DNM3: variants seen among roughly 807,000 people sequenced by gnomAD.
DNM3 encodes dynamin 3.
In DNM3, 47 loss-of-function variants were observed where a neutral mutation model predicts 101.6. The observed-to-expected ratio is 0.46, with a 90% CI of 0.37 to 0.59. DNM3 has a LOEUF of 0.59. Among genes scored for constraint, DNM3 ranks in the 20% least tolerant of loss-of-function variants. The pLI, the probability that DNM3 is intolerant of heterozygous loss-of-function variation, is 0.00. For synonymous variants in DNM3, 385 were observed against 387.9 expected (o/e 0.99, Z 0.09); for missense variants, 849 against 1,085.7 (o/e 0.78, Z 3.06).
At chr1:172,177,326 T>C (rs1177478210) in intron 14 of DNM3, among the ~76,000 whole-genome samples, 1 of 151,798 alleles carries the variant, frequency 6.6e-6, no homozygotes, top group Non-Finnish European at 1.5e-5. Context: ...TATTGTTCTA[T>C]TTTATTATTA....
Position 172,180,479 on chromosome 1 carries a change from G to A in DNM3, c.1659+49191G>A, listed in dbSNP as rs554880686. Among the ~76,000 whole-genome samples, 6 of 152,124 alleles carry A rather than the reference G, an allele frequency of 3.9e-5. No individual in the cohort carries two copies. The South Asian group carries it at 1.2e-3, about 32-fold the overall frequency. ...ATAGATAAATAGTCTAAGGACAAGT[G>A]GATTCATTGTAATATCTGCAATGCA... On this transcript the variant is annotated intron_variant, in intron 14 of 20. Transcript: ENST00000627582.
chr1:172,138,483 T>G (rs1018040988), intron 14 of DNM3: 1 of 152,486 alleles, frequency 6.6e-6, no homozygotes, highest in African/African-American at 2.4e-5. Context: ...ATTGAGTTTT[T>G]ATATCAATAT....
rs150805461 is a variant in DNM3 at position 171,937,272 on chromosome 1, A to G, written c.235+15451A>G. 1.2e-3 allele frequency among the ~76,000 whole-genome samples: 186 copies of G among 152,080 alleles called. 3 individuals are homozygous for G. Among genetic ancestry groups the G allele is most frequent in the Admixed American group, 0.01 (154 of 15,270 alleles). ...ATAAGATAATCTGCTTTTGCAAAGG[A>G]TTTATGTTTTTTTTTTTCCATTGTA... On this transcript the variant is annotated intron_variant, in intron 2 of 20. Transcript: ENST00000627582.
chr1:172,411,612 G>C lies in DNM3; in HGVS notation c.*3771G>C, dbSNP rs1223625344. 2 of 984,590 alleles carry C rather than the reference G, an allele frequency of 2.0e-6. No individual in the cohort carries two copies. Among genetic ancestry groups the C allele is most frequent in the Non-Finnish European group, 2.4e-6 (2 of 829,762 alleles). 61.0% of individuals were successfully genotyped at this position (984,590 alleles called of 1,614,324 possible). A position where few individuals can be genotyped will look rare whatever the true frequency, so the allele number is the denominator to read the frequency against. The stretch of plus-strand genomic sequence containing the variant: ...GAGTAAATTTGCTGAAAATATAAGA[G>C]AGAAGCTATCTAATACCTTGGAGGT... On this transcript the variant is annotated 3_prime_UTR_variant, in exon 21 of 21. Coordinates refer to ENST00000627582, the MANE Select transcript of DNM3 (RefSeq NM_015569.5).
At position 171,841,688 on chromosome 1, in the gene DNM3, C is replaced by T; in HGVS notation, c.32C>T (p.Pro11Leu). MGNREMEELI[P>L]LVNRLQDAFS... Reference sequence around the variant, plus strand: ...AACCGGGAGATGGAGGAGCTGATCCCGCTGGTGAACCGTCTGCAGGACGCG... The same window carrying T: ...AACCGGGAGATGGAGGAGCTGATCCTGCTGGTGAACCGTCTGCAGGACGCG... Residue 11 changes from proline (P) to leucine (L), a missense_variant, in exon 1 of 21, where the codon CCG (proline) becomes CTG (leucine). Coordinates refer to ENST00000627582, the MANE Select transcript of DNM3 (RefSeq NM_015569.5). The T allele has an allele frequency of 6.2e-7, 1 of 1,611,846 alleles. No individual in the cohort carries two copies. The highest frequency in any genetic ancestry group is 8.5e-7 in the Non-Finnish European group (1 of 1,179,312).
chr1:171,882,226 C>G (rs527272951), intron 1 of DNM3, among the ~76,000 whole-genome samples: 1 of 151,696 alleles, frequency 6.6e-6, no homozygotes, highest in East Asian at 1.9e-4. Flanking sequence ...GCCTGTAATC[C>G]CAGCTACTCA....
intron 14 of DNM3, among the ~76,000 whole-genome samples, chr1:172,203,124 C>G (rs2060208579): frequency 6.6e-6 from 1 of 152,108 alleles, no homozygotes; most frequent in South Asian, 2.1e-4. Flanking sequence ...TAGTCTTTGG[C>G]TGTAATTAAA....
chr1:171,992,953 A>G (rs1316624460), intron 4 of DNM3, among the ~76,000 whole-genome samples: 2 of 152,038 alleles, frequency 1.3e-5, no homozygotes, highest in African/African-American at 4.8e-5. Context: ...GATCAATACC[A>G]ACTTAATTTC....
intron 12 of DNM3, among the ~76,000 whole-genome samples, chr1:172,084,328 A>C (rs1035648727): frequency 6.6e-6 from 1 of 152,164 alleles, no homozygotes; most frequent in Non-Finnish European, 1.5e-5. Flanking sequence ...GCACGTGTGC[A>C]CACATACACA....
intron 17 of DNM3, among the ~76,000 whole-genome samples, chr1:172,372,187 T>C (rs2068373550): frequency 6.6e-6 from 1 of 151,078 alleles, no homozygotes; most frequent in South Asian, 2.1e-4. Context: ...GTTCTTGCGA[T>C]AGTTTACTGA....
At chr1:171,912,578 A>G (rs538643528) in intron 1 of DNM3, among the ~76,000 whole-genome samples, 2 of 152,150 alleles carry the variant, frequency 1.3e-5, no homozygotes, top group African/African-American at 4.8e-5. Context: ...TTGCAGCTCC[A>G]CTATCATATA....
intron 2 of DNM3, among the ~76,000 whole-genome samples, chr1:171,954,623 G>T (rs1374870347): frequency 6.6e-6 from 1 of 152,142 alleles, no homozygotes; most frequent in African/African-American, 2.4e-5. Context: ...GTGGGCAGCG[G>T]CGTTTTACAT....
At chr1:172,046,096 A>T (rs2049771353) in intron 9 of DNM3, among the ~76,000 whole-genome samples, 1 of 152,180 alleles carries the variant, frequency 6.6e-6, no homozygotes, top group Non-Finnish European at 1.5e-5. Flanking sequence ...CTATAAAGAC[A>T]CATGCACACA....
chr1:172,191,115 G>A (rs1280692788), intron 14 of DNM3, among the ~76,000 whole-genome samples: 2 of 152,036 alleles, frequency 1.3e-5, no homozygotes, highest in Non-Finnish European at 1.5e-5. Flanking sequence ...GAATGGTATT[G>A]CCTAGGTTTT....
intron 2 of DNM3, among the ~76,000 whole-genome samples, chr1:171,974,527 G>C (rs2044237339): frequency 6.6e-6 from 1 of 152,166 alleles, no homozygotes. Flanking sequence ...TCATAGCTAA[G>C]TATTAATTTA....
chr1:171,927,609 A>G (rs2040680255), intron 2 of DNM3, among the ~76,000 whole-genome samples: 1 of 152,218 alleles, frequency 6.6e-6, no homozygotes, highest in African/African-American at 2.4e-5. Context: ...CATGAAATCT[A>G]CCTAAATGCC....
intron 20 of DNM3, among the ~76,000 whole-genome samples, chr1:172,404,717 T>C (rs2070756859): frequency 6.6e-6 from 1 of 152,110 alleles, no homozygotes; most frequent in Non-Finnish European, 1.5e-5. Flanking sequence ...GCCATCACTT[T>C]GACCACATTA....
intron 2 of DNM3, among the ~76,000 whole-genome samples, chr1:171,944,665 T>G (rs971624960): frequency 6.6e-6 from 1 of 152,030 alleles, no homozygotes; most frequent in South Asian, 2.1e-4. Flanking sequence ...TGAGCCACCA[T>G]GCCCAGCCTC....
At chr1:172,046,561 T>TA (rs1012865845) in intron 9 of DNM3, among the ~76,000 whole-genome samples, 37 of 140,424 alleles carry the variant, frequency 2.6e-4, no homozygotes, top group African/African-American at 9.7e-4. Context: ...ATAATAATAA[T>TA]AAAAAAAAGA....
Sources: allele counts gnomAD v4.1 joint callset (sites outside exome capture counted in the v4.1 genomes callset), GRCh38; gene constraint gnomAD v4.1.1; transcripts MANE v1.5; gene names NCBI Gene and HGNC (gene_info 2026-07-23, HGNC 2026-07-21).